Variants in TRAPPC9 observed in about 807,000 individuals in gnomAD.
TRAPPC9 encodes trafficking protein particle complex subunit 9.
Under a neutral mutation model 124.0 loss-of-function variants are expected in TRAPPC9, and 83 were observed. The ratio of observed to expected loss-of-function variants is 0.67; its 90% confidence interval spans 0.56 to 0.80. TRAPPC9 has a LOEUF of 0.80. Ranked by LOEUF, TRAPPC9 falls within the 30% of genes least tolerant of loss-of-function variation. TRAPPC9 has a pLI of 0.00. For missense variants in TRAPPC9, 1,302 were observed against 1,508.3 expected (o/e 0.86, Z 2.27); for synonymous variants, 638 against 617.5 (o/e 1.03, Z -0.49).
chr8:140,410,228 A>C (rs2069654808), intron 5 of TRAPPC9, among the ~76,000 whole-genome samples: 1 of 151,808 alleles, frequency 6.6e-6, no homozygotes, highest in Non-Finnish European at 1.5e-5. Context: ...GATTTTTGGA[A>C]TCATATTAAC....
rs147216128 is a variant in TRAPPC9 at position 140,022,941 on chromosome 8, T to C, written c.2699+996A>G. 6.1e-3 allele frequency among the ~76,000 whole-genome samples: 925 copies of C among 152,324 alleles called. 16 individuals carry two copies. Among genetic ancestry groups the C allele is most frequent in the Non-Finnish European group, 7.1e-3 (480 of 68,032 alleles). ...AAACCACACTTATTATTTAAAGCTG[T>C]ATCATTTTCAAGGGATTTTATGCCA... On this transcript the variant is annotated intron_variant, in intron 18 of 22. Transcript: ENST00000438773.
At chr8:140,283,543 C>T (rs909501962) in intron 14 of TRAPPC9, among the ~76,000 whole-genome samples, 4 of 151,374 alleles carry the variant, frequency 2.6e-5, no homozygotes, top group African/African-American at 4.9e-5. Context: ...GTGATCCACC[C>T]GCCTCGGTCT....
At chr8:140,115,664 T>C (rs1446493758) in intron 17 of TRAPPC9, among the ~76,000 whole-genome samples, 2 of 152,136 alleles carry the variant, frequency 1.3e-5, no homozygotes, top group African/African-American at 2.4e-5. Context: ...GCAGATGCAG[T>C]AAGGCCCAGC....
intron 17 of TRAPPC9, among the ~76,000 whole-genome samples, chr8:140,210,805 G>A (rs1587932475): frequency 6.6e-6 from 1 of 152,208 alleles, no homozygotes; most frequent in African/African-American, 2.4e-5. Context: ...GCAGAAGCAT[G>A]TCTTATGCAA....
At chr8:140,079,941 A>T (rs535538145) in intron 17 of TRAPPC9, among the ~76,000 whole-genome samples, 7 of 152,066 alleles carry the variant, frequency 4.6e-5, no homozygotes, top group African/African-American at 1.7e-4. Context: ...AAATAATAAT[A>T]ATAATGATAA....
At chr8:140,140,600 G>A (rs1357468526) in intron 17 of TRAPPC9, among the ~76,000 whole-genome samples, 1 of 152,124 alleles carries the variant, frequency 6.6e-6, no homozygotes, top group Non-Finnish European at 1.5e-5. Flanking sequence ...ACAATTGTAT[G>A]CACTTCAGAA....
intron 16 of TRAPPC9, among the ~76,000 whole-genome samples, chr8:140,245,435 C>T (rs967996812): frequency 2.5e-4 from 38 of 151,428 alleles, no homozygotes; most frequent in African/African-American, 9.3e-4. Flanking sequence ...TCTTAAACTA[C>T]AGATAGCCTT....
At chr8:139,843,793 C>A (rs765635091) in intron 21 of TRAPPC9, among the ~76,000 whole-genome samples, 4 of 152,202 alleles carry the variant, frequency 2.6e-5, no homozygotes, top group Admixed American at 6.5e-5. Flanking sequence ...CGTGACACCT[C>A]AATTTTAGCC....
rs567857319 is a variant in TRAPPC9, at chr8:140,258,704, G to A, written c.2279-5775C>T. On this transcript the variant is annotated intron_variant, in intron 15 of 22. Coordinates refer to ENST00000438773, the MANE Select transcript of TRAPPC9 (RefSeq NM_001160372.4). ...AAATGGCATTTTGTCTTTCTTTTTC[G>A]ATCCAGTCAATCAATTCAGGATAGA... Among the ~76,000 whole-genome samples, 78 of 152,238 alleles carry A rather than the reference G, an allele frequency of 5.1e-4. 1 individual carries two copies. In the South Asian group the frequency reaches 0.015, roughly 30 times the overall value.
rs1052862463 is a variant in TRAPPC9 at position 139,984,787 on chromosome 8, G to C, written c.2810+3939C>G. Among the ~76,000 whole-genome samples, 1 of 152,202 alleles carries C rather than the reference G, an allele frequency of 6.6e-6. No homozygotes were observed. The highest frequency in any genetic ancestry group is 2.4e-5 in the African/African-American group (1 of 41,448). On this transcript the variant is annotated intron_variant, in intron 19 of 22. Coordinates refer to ENST00000438773, the MANE Select transcript of TRAPPC9 (RefSeq NM_001160372.4). This position sits in a 1 kb window ranked among gnomAD's most constrained non-coding sequence, Gnocchi z 4.3. ...CTAGGGCTCAGGGCAGAGTTGCATG[G>C]ATTCATGGGTATCCCCAGCAGTGGG... is the stretch of plus-strand genomic sequence containing the variant.
chr8:139,995,168 G>A (rs1019834591), intron 18 of TRAPPC9, among the ~76,000 whole-genome samples: 2 of 152,210 alleles, frequency 1.3e-5, no homozygotes, highest in Admixed American at 6.5e-5. Flanking sequence ...TGAACTGGCA[G>A]TGAGCTGCAT....
chr8:140,457,628 T>G lies in TRAPPC9; in HGVS notation c.-11+11A>C. 1 of 985,846 alleles carries G rather than the reference T, an allele frequency of 1.0e-6. No homozygotes were observed. Among genetic ancestry groups the G allele is most frequent in the Non-Finnish European group, 1.2e-6 (1 of 830,278 alleles). The allele number at this position is 985,846 out of a possible 1,614,324, so 61.1% of individuals were successfully genotyped here. Reference sequence around the variant, plus strand: ...ATTGCCTGACCGGGAGCCCCCCCGCTTTGCACTTACACAGCCGGTGGCCCC... The same window carrying G: ...ATTGCCTGACCGGGAGCCCCCCCGCGTTGCACTTACACAGCCGGTGGCCCC... On this transcript the variant is annotated intron_variant, in intron 1 of 22. Coordinates refer to ENST00000438773, the MANE Select transcript of TRAPPC9 (RefSeq NM_001160372.4).
At chr8:139,990,201 G>C (rs1401441487) in intron 18 of TRAPPC9, among the ~76,000 whole-genome samples, 1 of 152,122 alleles carries the variant, frequency 6.6e-6, no homozygotes, top group Non-Finnish European at 1.5e-5. Context: ...AGGGACAATC[G>C]CCTGTGACTT....
intron 21 of TRAPPC9, among the ~76,000 whole-genome samples, chr8:139,775,644 T>C (rs368737763): frequency 1.3e-5 from 2 of 152,316 alleles, no homozygotes; most frequent in East Asian, 1.9e-4. Flanking sequence ...AGATATGGCC[T>C]GGCCTCACCA....
chr8:139,939,177 T>C (rs1418182422), intron 19 of TRAPPC9, among the ~76,000 whole-genome samples: 2 of 152,086 alleles, frequency 1.3e-5, no homozygotes, highest in African/African-American at 2.4e-5. Flanking sequence ...AGGGCTATAT[T>C]TGGGGGACAT....
At chr8:140,203,533 C>T (rs1246288964) in intron 17 of TRAPPC9, among the ~76,000 whole-genome samples, 1 of 152,242 alleles carries the variant, frequency 6.6e-6, no homozygotes. Flanking sequence ...TGTGTGAGGG[C>T]TTGTCATTCA....
In TRAPPC9 at chr8:139,730,089, C is replaced by T. The variant is rs571871105; in HGVS notation, c.*972G>A. 2.0e-5 allele frequency among the ~76,000 whole-genome samples: 3 copies of T among 152,266 alleles called. No homozygotes were observed. Among genetic ancestry groups the T allele is most frequent in the Admixed American group, 6.5e-5 (1 of 15,310 alleles). ...TGAGGAACGCAGGGCCAGCTGCCCA[C>T]TGTGGCGGCAGCTCGGGCCCAGTCA... On this transcript the variant is annotated 3_prime_UTR_variant, in exon 23 of 23. Coordinates refer to ENST00000438773, the MANE Select transcript of TRAPPC9 (RefSeq NM_001160372.4).
chr8:140,113,218 G>A (rs2060815375), intron 17 of TRAPPC9, among the ~76,000 whole-genome samples: 1 of 152,164 alleles, frequency 6.6e-6, no homozygotes, highest in African/African-American at 2.4e-5. Context: ...TAGTCCCCTG[G>A]ACAGAGGGTG....
intron 9 of TRAPPC9, among the ~76,000 whole-genome samples, chr8:140,330,850 T>C (rs931733746): frequency 6.6e-5 from 10 of 152,180 alleles, no homozygotes; most frequent in Admixed American, 1.3e-4. Flanking sequence ...TTTTTCATTT[T>C]GTCACGCTGC....
Sources: gnomAD v4.1 joint callset for allele counts (sites outside exome capture counted in the v4.1 genomes callset) on GRCh38, gnomAD v4.1.1 for gene constraint, Gnocchi (gnomAD v3.1) non-coding constraint, MANE v1.5 for transcripts, NCBI Gene and HGNC (gene_info 2026-07-23, HGNC 2026-07-21) for gene names.